The following PCK2 variants were observed in gnomAD, a reference collection of about 807,000 sequenced individuals.
PCK2 encodes phosphoenolpyruvate carboxykinase [GTP], mitochondrial.
PCK2 carries 56 observed loss-of-function variants against 65.9 expected under a neutral mutation model. The observed-to-expected ratio is 0.85, with a 90% CI of 0.69 to 1.06. The LOEUF is 1.06. PCK2 is among the 50% of genes least tolerant of loss of function. The pLI is 0.00. For missense variants in PCK2, 843 were observed against 863.1 expected (o/e 0.98, Z 0.29); for synonymous variants, 305 against 319.6 (o/e 0.95, Z 0.49).
In PCK2 at chr14:24,096,975, G is replaced by A. The variant is rs754027413; in HGVS notation, c.113G>A (p.Gly38Asp). The change falls in exon 2 of 10, where the codon GGC becomes GAC. Residue 38 changes from glycine to aspartate, a missense_variant. Physicochemically the swap from Gly to Asp is moderately conservative, Grantham distance 94. Transcript: ENST00000216780. ...CTGCGAGTGCTTAGTGGAGATCTGG[G>A]CCAGCTTCCCACTGGCATTCGAGAT... Reference protein sequence around the residue: ...QTLRVLSGDLGQLPTGIRDFV... With the variant: ...QTLRVLSGDLDQLPTGIRDFV... 6.2e-7 allele frequency: 1 copy of A among 1,613,620 alleles called. No individual in the cohort carries two copies. The highest frequency in any genetic ancestry group is 8.5e-7 in the Non-Finnish European group (1 of 1,179,776).
chr14:24,103,529 C>T lies in PCK2; in HGVS notation c.1488C>T (p.Asp496=). 3 of 1,557,860 alleles carry T rather than the reference C, an allele frequency of 1.9e-6. No homozygotes were observed. Among genetic ancestry groups the T allele is most frequent in the Non-Finnish European group, 2.6e-6 (3 of 1,150,740 alleles). The change falls in exon 10 of 10, where the codon GAC becomes GAT. Residue 496 remains aspartate, a synonymous_variant. Transcript: ENST00000216780. The part of the protein sequence containing the change: ...AEHKGKIIMH[D]PFAMRPFFGY... ...CCCCAGGGAAGATCATCATGCACGA[C>T]CCATTTGCCATGCGGCCCTTTTTTG...
Position 24,103,554 on chromosome 14 carries a change from G to T in PCK2, c.1513G>T (p.Gly505Cys). 3 of 1,565,358 alleles carry T rather than the reference G, an allele frequency of 1.9e-6. No homozygotes were observed. The highest frequency in any genetic ancestry group is 2.4e-5 in the South Asian group (2 of 83,036). ...HDPFAMRPFF[G>C]YNFGHYLEHW... Reference sequence around the variant, plus strand: ...CCCATTTGCCATGCGGCCCTTTTTTGGCTACAACTTCGGGCACTACCTGGA... The same window carrying T: ...CCCATTTGCCATGCGGCCCTTTTTTTGCTACAACTTCGGGCACTACCTGGA... The change falls in exon 10 of 10, where the codon GGC (glycine) becomes TGC (cysteine). Residue 505 changes from glycine (G) to cysteine (C), a missense_variant. Transcript: ENST00000216780.
In PCK2 at chr14:24,103,823, G is replaced by C. The variant is rs778947731; in HGVS notation, c.1782G>C (p.Gln594His). 2.5e-6 allele frequency: 4 copies of C among 1,614,044 alleles called. No homozygotes were observed. The highest frequency in any genetic ancestry group is 1.3e-5 in the African/African-American group (1 of 74,898). ...LSGLRAIDTTQLFSLPKDFWE... is the reference protein window; with the variant it reads ...LSGLRAIDTTHLFSLPKDFWE... ...GCCTCAGAGCTATAGACACCACTCA[G>C]CTGTTCTCCCTCCCCAAGGACTTCT... is the stretch of plus-strand genomic sequence containing the variant. The change falls in exon 10 of 10, where the codon CAG becomes CAC. Residue 594 changes from glutamine to histidine, a missense_variant. By Grantham distance (24) the Gln-to-His change is conservative (BLOSUM62 0). Coordinates refer to ENST00000216780, the MANE Select transcript of PCK2 (RefSeq NM_004563.4).
In PCK2 at chr14:24,095,113, CTATT is replaced by C. The variant is rs1235143028; in HGVS notation, c.29+684_29+687del. 8.8e-6 allele frequency: 4 copies of C among 456,004 alleles called. No homozygotes were observed. The Admixed American group carries it at 9.4e-5, about 11-fold the overall frequency. The allele number at this position is 456,004 out of a possible 1,614,324, so 28.2% of individuals were successfully genotyped here. On this transcript the variant is annotated intron_variant, in intron 1 of 9. Coordinates refer to ENST00000216780, the MANE Select transcript of PCK2 (RefSeq NM_004563.4). ...TTTGTCTGCCTGTCCTCTTAGTCTCCTATTTATTCTCTGAGGCCTCTCTTCTCAG... is the reference window on the plus strand; with the variant it reads ...TTTGTCTGCCTGTCCTCTTAGTCTCCTATTCTCTGAGGCCTCTCTTCTCAG...
rs111723834 is a variant in PCK2 at position 24,103,723 on chromosome 14, G to A, written c.1682G>A (p.Arg561Gln). Residue 561 changes from arginine (R) to glutamine (Q), a missense_variant, in exon 10 of 10, where the codon CGG becomes CAG. By Grantham distance (43) the Arg-to-Gln change is conservative. Transcript: ENST00000216780. ...NARVLDWICR[R>Q]LEGEDSARET... ...CGGGTGCTAGACTGGATCTGCCGGC[G>A]GTTAGAGGGGGAGGACAGTGCCCGA... The A allele has an allele frequency of 0.013, 20,205 of 1,614,166 alleles. 153 individuals carry two copies. Among genetic ancestry groups the A allele is most frequent in the Non-Finnish European group, 0.016 (18,823 of 1,180,024 alleles).
intron 1 of PCK2, 90 bp from the exon 2 acceptor site, chr14:24,096,802 G>A (rs1260805801): frequency 8.6e-7 from 1 of 1,160,090 alleles, no homozygotes; most frequent in Non-Finnish European, 1.3e-6. Flanking sequence ...TGTTTTAGCA[G>A]GCTGCAGCCC....
rs753727583 is a variant in PCK2, at chr14:24,100,130, G to A, written c.1151G>A (p.Gly384Asp). The change falls in exon 7 of 10, where the codon GGT (glycine) becomes GAT (aspartate). Residue 384 changes from glycine to aspartate, a missense_variant. Physicochemically the swap from Gly to Asp is moderately conservative, Grantham distance 94 (BLOSUM62 -1). Coordinates refer to ENST00000216780, the MANE Select transcript of PCK2 (RefSeq NM_004563.4). ...ACCAATGTGGCTGAGACCAGTGATG[G>A]TGGCGTGTACTGGGAGGGCATTGAC... The part of the protein sequence containing the change: ...IFTNVAETSD[G>D]GVYWEGIDQP... 3 of 1,613,680 alleles carry A rather than the reference G, an allele frequency of 1.9e-6. No homozygotes were observed. Among genetic ancestry groups the A allele is most frequent in the Non-Finnish European group, 2.5e-6 (3 of 1,179,746 alleles).
intron 1 of PCK2, among the ~76,000 whole-genome samples, chr14:24,096,088 C>T (rs1049577242): frequency 6.6e-6 from 1 of 152,126 alleles, no homozygotes; most frequent in African/African-American, 2.4e-5. Flanking sequence ...AGAATAAACA[C>T]AGCTGCCATT....
Position 24,103,811 on chromosome 14 carries a change from A to G in PCK2, c.1770A>G (p.Ile590Met). Residue 590 changes from isoleucine (I) to methionine (M), a missense_variant, in exon 10 of 10, where the codon ATA (isoleucine) becomes ATG (methionine). Transcript: ENST00000216780. ...TGGATCTCAGCGGCCTCAGAGCTAT[A>G]GACACCACTCAGCTGTTCTCCCTCC... is the stretch of plus-strand genomic sequence containing the variant. ...GALDLSGLRA[I>M]DTTQLFSLPK... The G allele has an allele frequency of 6.2e-7, 1 of 1,614,148 alleles. No homozygotes were observed. Among genetic ancestry groups the G allele is most frequent in the South Asian group, 1.1e-5 (1 of 91,084 alleles).
rs2037099232 is a variant in PCK2 at position 24,100,127 on chromosome 14, A to C, written c.1148A>C (p.Asp383Ala). ...TIFTNVAETS[D>A]GGVYWEGIDQ... The stretch of plus-strand genomic sequence containing the variant: ...TTTACCAATGTGGCTGAGACCAGTG[A>C]TGGTGGCGTGTACTGGGAGGGCATT... The change falls in exon 7 of 10, where the codon GAT becomes GCT. Residue 383 changes from aspartate (D) to alanine (A), a missense_variant. Coordinates refer to ENST00000216780, the MANE Select transcript of PCK2 (RefSeq NM_004563.4). 1.2e-6 allele frequency: 2 copies of C among 1,613,498 alleles called. No homozygotes were observed. The highest frequency in any genetic ancestry group is 2.2e-5 in the South Asian group (2 of 91,020).
intron 7 of PCK2, among the ~76,000 whole-genome samples, chr14:24,101,075 T>C (rs556665295): frequency 6.6e-6 from 1 of 152,272 alleles, no homozygotes; most frequent in Non-Finnish European, 1.5e-5. Context: ...TCACCCTCCT[T>C]GCTTCATCTA....
Position 24,094,324 on chromosome 14 carries a change from C to T in PCK2, c.-82C>T. 7.2e-7 allele frequency: 1 copy of T among 1,393,872 alleles called. No homozygotes were observed. Among genetic ancestry groups the T allele is most frequent in the South Asian group, 1.2e-5 (1 of 80,910 alleles). 86.3% of individuals were successfully genotyped at this position (1,393,872 alleles called of 1,614,324 possible). On this transcript the variant is annotated 5_prime_UTR_variant, in exon 1 of 10. Transcript: ENST00000216780. This position sits in a 1 kb window ranked among gnomAD's most constrained non-coding sequence, Gnocchi z 4.1. ...CCAGCCTCTGCTGTGGCTCGCTTCGCCGCGCTCCCTCCTTCCCCGCCTTCC... is the reference window on the plus strand; with the variant it reads ...CCAGCCTCTGCTGTGGCTCGCTTCGTCGCGCTCCCTCCTTCCCCGCCTTCC...
intron 7 of PCK2, chr14:24,100,544 G>A (rs1385252622): frequency 9.9e-7 from 1 of 1,014,582 alleles, no homozygotes; most frequent in Non-Finnish European, 1.3e-6. Context: ...CAAATACACA[G>A]TAAATTCTCA....
rs751526488 is a variant in PCK2 at position 24,096,898 on chromosome 14, C to T, written c.36C>T (p.Asn12=). The T allele has an allele frequency of 1.2e-5, 20 of 1,612,678 alleles. No homozygotes were observed. The highest frequency in any genetic ancestry group is 1.7e-5 in the Non-Finnish European group (20 of 1,179,420). ...AALYRPGLRL[N]WHGLSPLGWP... is the part of the protein sequence containing the mutation. The stretch of plus-strand genomic sequence containing the variant: ...GCCTCTGTTTCTCCTATAGGCTTAA[C>T]TGGCATGGGCTGAGCCCCTTGGGCT... Residue 12 remains asparagine (N), a synonymous_variant, in exon 2 of 10, where the codon AAC becomes AAT. Coordinates refer to ENST00000216780, the MANE Select transcript of PCK2 (RefSeq NM_004563.4).
Position 24,098,380 on chromosome 14 carries a change from C to T in PCK2, c.453C>T (p.Cys151=). The T allele has an allele frequency of 1.9e-6, 3 of 1,611,546 alleles. No individual in the cohort carries two copies. Among genetic ancestry groups the T allele is most frequent in the Non-Finnish European group, 2.5e-6 (3 of 1,177,980 alleles). ...CTGTGGATGAGAGGTTTCCAGGCTGCATGCAGGGTAACCAGGGCAGGGGCA... is the reference window on the plus strand; with the variant it reads ...CTGTGGATGAGAGGTTTCCAGGCTGTATGCAGGGTAACCAGGGCAGGGGCA... The part of the protein sequence containing the change: ...QRAVDERFPG[C]MQGRTMYVLP... Residue 151 remains cysteine, a synonymous_variant, in exon 3 of 10, where the codon TGC becomes TGT. Transcript: ENST00000216780.
chr14:24,098,952 T>A, intron 4 of PCK2, 97 bp from the exon 5 acceptor site: 2 of 942,012 alleles, frequency 2.1e-6, no homozygotes, highest in Non-Finnish European at 3.3e-6. Flanking sequence ...CTGCTACTGC[T>A]CCCAAGTGTC....
rs762163679 is a variant in PCK2, at chr14:24,103,565, C to T, written c.1524C>T (p.Phe508=). Reference sequence around the variant, plus strand: ...TGCGGCCCTTTTTTGGCTACAACTTCGGGCACTACCTGGAACACTGGCTGA... The same window carrying T: ...TGCGGCCCTTTTTTGGCTACAACTTTGGGCACTACCTGGAACACTGGCTGA... The part of the protein sequence containing the change: ...FAMRPFFGYN[F]GHYLEHWLSM... The change falls in exon 10 of 10, where the codon TTC becomes TTT. Residue 508 remains phenylalanine (F), a synonymous_variant. Transcript: ENST00000216780. The T allele has an allele frequency of 2.3e-5, 37 of 1,581,220 alleles. No individual in the cohort carries two copies. The highest frequency in any genetic ancestry group is 1.1e-4 in the East Asian group (5 of 44,506).
rs772222943 is a variant in PCK2, at chr14:24,098,286, T to C, written c.359T>C (p.Val120Ala). ...VIVTPSQRDT[V>A]PLPPGGARGQ... ...GTAACTCCTTCTCAGCGGGACACGG[T>C]ACCACTCCCGCCTGGTGGGGCCCGT... is the stretch of plus-strand genomic sequence containing the variant. The change falls in exon 3 of 10, where the codon GTA becomes GCA. Residue 120 changes from valine to alanine, a missense_variant. Val to Ala is a moderately conservative substitution (Grantham distance 64). Coordinates refer to ENST00000216780, the MANE Select transcript of PCK2 (RefSeq NM_004563.4). 8 of 1,613,950 alleles carry C rather than the reference T, an allele frequency of 5.0e-6. No homozygotes were observed. In the South Asian group the frequency reaches 8.8e-5, roughly 18 times the overall value.
chr14:24,098,139 A>G, intron 2 of PCK2, 64 bp from the exon 3 acceptor site: 2 of 1,422,492 alleles, frequency 1.4e-6, no homozygotes, highest in Non-Finnish European at 1.9e-6. Context: ...GACTTGAAAA[A>G]GTGGGTCTAG....
Sources: gnomAD v4.1 joint callset for allele counts (sites outside exome capture counted in the v4.1 genomes callset) on GRCh38, gnomAD v4.1.1 for gene constraint, Gnocchi (gnomAD v3.1) non-coding constraint, MANE v1.5 for transcripts, NCBI Gene and HGNC (gene_info 2026-07-23, HGNC 2026-07-21) for gene names.